PRIM2: variants seen among roughly 807,000 people sequenced by gnomAD.
PRIM2 encodes the protein DNA primase subunit 2, also known as DNA primase large subunit.
In PRIM2, 39 loss-of-function variants were observed where a neutral mutation model predicts 67.3. The observed-to-expected ratio is 0.58, with a 90% confidence interval of 0.45 to 0.76. The LOEUF (loss-of-function observed/expected upper bound fraction) is 0.76, where lower values mean the gene tolerates loss of function less well. Ranked by LOEUF, PRIM2 falls within the 30% of genes least tolerant of loss-of-function variation. PRIM2 has a pLI of 0.00. For synonymous variants in PRIM2, 143 were observed against 198.7 expected, an observed-to-expected ratio of 0.72 and a Z score of 2.36; for missense variants, 398 against 598.7, an observed-to-expected ratio of 0.66 and a Z score of 3.50.
At chr6:57,274,630 C>T in the PRIM2 span, among the ~76,000 whole-genome samples, 1 of 152,258 alleles carries the variant, frequency 6.6e-6, no homozygotes, top group Non-Finnish European at 1.5e-5. Context: ...GCTGCACCCA[C>T]TGTCCTGCAC....
intron 5 of PRIM2, among the ~76,000 whole-genome samples, chr6:57,354,381 A>C (rs2208349): frequency 9.8e-5 from 15 of 152,296 alleles, no homozygotes; most frequent in African/African-American, 3.1e-4. Context: ...GAATTAGCCT[A>C]AATGTTGAGA....
chr6:57,327,443 G>A (rs1482810048), intron 5 of PRIM2, among the ~76,000 whole-genome samples: 18 of 152,214 alleles, frequency 1.2e-4, no homozygotes, highest in Non-Finnish European at 1.5e-5. Context: ...GAGTATATGA[G>A]TTAGGGAAAA....
chr6:57,502,502 A>AT (rs1774155347), intron 7 of PRIM2, among the ~76,000 whole-genome samples: 1 of 152,146 alleles, frequency 6.6e-6, no homozygotes, highest in African/African-American at 2.4e-5. Flanking sequence ...TAATGCCGCG[A>AT]TTTTTTTACA....
intron 10 of PRIM2, among the ~76,000 whole-genome samples, chr6:57,578,146 C>T (rs1269030583): frequency 6.6e-6 from 1 of 152,132 alleles, no homozygotes; most frequent in Non-Finnish European, 1.5e-5. Flanking sequence ...GCGTGATGTT[C>T]GCTTCTCATC....
the PRIM2 span, among the ~76,000 whole-genome samples, chr6:57,300,108 A>G: frequency 6.6e-6 from 1 of 152,250 alleles, no homozygotes; most frequent in Non-Finnish European, 1.5e-5. Context: ...GGGTAATTTC[A>G]AAAATAACTT....
intron 5 of PRIM2, among the ~76,000 whole-genome samples, chr6:57,374,411 A>G (rs887319515): frequency 5.4e-5 from 8 of 148,754 alleles, no homozygotes; most frequent in Admixed American, 2.0e-4. Context: ...CTCCTGCCTC[A>G]GCCTCCCGTG....
At chr6:57,501,459 C>T (rs1554346873) in intron 7 of PRIM2, among the ~76,000 whole-genome samples, 3 of 152,066 alleles carry the variant, frequency 2.0e-5, no homozygotes, top group Middle Eastern at 3.2e-3. Context: ...GCCACCAAGC[C>T]GAGCTAGTTT....
the PRIM2 span, among the ~76,000 whole-genome samples, chr6:57,272,163 G>A: frequency 6.6e-6 from 1 of 152,124 alleles, no homozygotes; most frequent in Non-Finnish European, 1.5e-5. Flanking sequence ...GCAGAGTTGA[G>A]TTCAATTCCT....
chr6:57,494,661 A>G (rs1329248259), intron 7 of PRIM2, among the ~76,000 whole-genome samples: 1 of 152,186 alleles, frequency 6.6e-6, no homozygotes, highest in African/African-American at 2.4e-5. Flanking sequence ...CTAGGTGGCT[A>G]CTTGTGATGA....
intron 7 of PRIM2, among the ~76,000 whole-genome samples, chr6:57,485,886 G>T (rs1773742512): frequency 6.6e-6 from 1 of 152,228 alleles, no homozygotes; most frequent in South Asian, 2.1e-4. Context: ...TACAGTCCAA[G>T]AGAGTGAGCA....
At chr6:57,351,468 A>C (rs1768854338) in intron 5 of PRIM2, among the ~76,000 whole-genome samples, 1 of 152,166 alleles carries the variant, frequency 6.6e-6, no homozygotes, top group Admixed American at 6.6e-5. Flanking sequence ...TGAAGGACTG[A>C]ATGAGGATGT....
chr6:57,608,921 C>T (rs1776615626), intron 12 of PRIM2, among the ~76,000 whole-genome samples: 1 of 152,070 alleles, frequency 6.6e-6, no homozygotes, highest in Non-Finnish European at 1.5e-5. Context: ...GTTCTCTTTC[C>T]TTTATACCAT....
At chr6:57,379,715 G>T (rs1351234670) in intron 5 of PRIM2, among the ~76,000 whole-genome samples, 186 bp from the exon 6 acceptor site, 1 of 152,084 alleles carries the variant, frequency 6.6e-6, no homozygotes, top group East Asian at 1.9e-4. Flanking sequence ...TTCAATTTAG[G>T]TTTTTTTCTG....
chr6:57,491,509 T>G (rs1279025213), intron 7 of PRIM2, among the ~76,000 whole-genome samples: 1 of 152,246 alleles, frequency 6.6e-6, no homozygotes, highest in African/African-American at 2.4e-5. Context: ...GATACATCTC[T>G]TTTTACTTTT....
intron 7 of PRIM2, among the ~76,000 whole-genome samples, chr6:57,502,400 G>T (rs1554346946): frequency 0.022 from 3,359 of 152,208 alleles, 108 homozygotes; most frequent in South Asian, 0.071. Flanking sequence ...CTACAGAGTG[G>T]TTCAGGCCAG....
In PRIM2 at chr6:57,373,777, G is replaced by A. The variant is rs1259457603; in HGVS notation, c.460-6124G>A. ...TTGTAGGCATGCAGTCTTACTTCTG[G>A]TTTCTCTAATCTGTTCCATTGGTCT... On this transcript the variant is annotated intron_variant, in intron 5 of 13. Transcript: ENST00000615550. 2.0e-5 allele frequency among the ~76,000 whole-genome samples: 3 copies of A among 152,020 alleles called. No homozygotes were observed. The East Asian group carries it at 5.8e-4, about 29-fold the overall frequency.
intron 7 of PRIM2, among the ~76,000 whole-genome samples, chr6:57,464,821 A>C (rs61084515): frequency 6.6e-6 from 1 of 152,188 alleles, no homozygotes; most frequent in East Asian, 1.9e-4. Context: ...CCACTTTTTG[A>C]ATAGTTACTG....
intron 7 of PRIM2, among the ~76,000 whole-genome samples, chr6:57,383,868 G>C (rs1770046098): frequency 6.6e-6 from 1 of 152,196 alleles, no homozygotes; most frequent in Admixed American, 6.5e-5. Flanking sequence ...ACTCATATTT[G>C]AGTGGAATTC....
At chr6:57,600,970 C>T in intron 10 of PRIM2, 123 bp from the exon 11 acceptor site, 3 of 844,564 alleles carry the variant, frequency 3.6e-6, no homozygotes, top group African/African-American at 1.8e-5. Flanking sequence ...TACATCTGCC[C>T]GTGAATGCTG....
Sources: allele counts gnomAD v4.1 joint callset (sites outside exome capture counted in the v4.1 genomes callset), GRCh38; gene constraint gnomAD v4.1.1; transcripts MANE v1.5; gene names NCBI Gene and HGNC (gene_info 2026-07-23, HGNC 2026-07-21).